MAP3K10: variants seen among roughly 807,000 people sequenced by gnomAD.
MAP3K10 encodes mitogen-activated protein kinase kinase kinase 10.
A neutral mutation model predicts 75.0 loss-of-function variants in MAP3K10; 22 were observed. The ratio of observed to expected loss-of-function variants is 0.29; its 90% CI spans 0.21 to 0.42. The LOEUF (loss-of-function observed/expected upper bound fraction) is 0.42. MAP3K10 is among the 10% of genes least tolerant of loss of function. The pLI, the probability that MAP3K10 is intolerant of heterozygous loss-of-function variation, is 1.00. For synonymous variants in MAP3K10, 599 were observed against 612.9 expected, an observed-to-expected ratio of 0.98 and a Z score of 0.34; for missense variants, 1,165 against 1,379.8, an observed-to-expected ratio of 0.84 and a Z score of 2.47.
intron 1 of MAP3K10, among the ~76,000 whole-genome samples, chr19:40,193,078 C>G (rs1407789912): frequency 6.6e-6 from 1 of 152,186 alleles, no homozygotes; most frequent in Non-Finnish European, 1.5e-5. Context: ...AAGAGCCTAC[C>G]CCGTCTGGAG....
Position 40,215,502 on chromosome 19 carries a change from AGGGATACT to A in MAP3K10, c.*211_*218del. The A allele has an allele frequency of 1.8e-6, 1 of 569,038 alleles. No homozygotes were observed. The highest frequency in any genetic ancestry group is 3.1e-6 in the Non-Finnish European group (1 of 320,010). 35.2% of individuals were successfully genotyped at this position (569,038 alleles called of 1,614,324 possible). A position where few individuals can be genotyped will look rare whatever the true frequency, so the allele number is the denominator to read the frequency against. On this transcript the variant is annotated 3_prime_UTR_variant, in exon 10 of 10. Transcript: ENST00000253055. ...ACCCTGCACTGGGGGGAGGGTGGGC[AGGGATACT>A]CAGGGACAGGGCATCATGGGGGATT...
chr19:40,208,105 C>G (rs1973156625), intron 5 of MAP3K10, among the ~76,000 whole-genome samples: 1 of 152,082 alleles, frequency 6.6e-6, no homozygotes, highest in Non-Finnish European at 1.5e-5. Context: ...CCAAGTTGCT[C>G]CAAACATGCT....
At position 40,212,941 on chromosome 19, in the gene MAP3K10, C is replaced by A; in HGVS notation, c.1689C>A (p.Ser563=). 6.2e-7 allele frequency: 1 copy of A among 1,611,214 alleles called. No individual in the cohort carries two copies. The highest frequency in any genetic ancestry group is 1.3e-5 in the African/African-American group (1 of 75,010). The change falls in exon 7 of 10, where the codon TCC becomes TCA. Residue 563 remains serine (S), a synonymous_variant. Transcript: ENST00000253055. This position sits in a 1 kb window ranked among gnomAD's most constrained non-coding sequence, Gnocchi z 4.2. ...AGGGACGAACGTGGGGGCCCAGCTC[C>A]ACCCTGCAGAAGGAGCGGGTGGGAG... ...KKKGRTWGPS[S]TLQKERVGGE...
chr19:40,205,352 C>A lies in MAP3K10; in HGVS notation c.1188+56C>A. On this transcript the variant is annotated intron_variant, in intron 4 of 9. Coordinates refer to ENST00000253055, the MANE Select transcript of MAP3K10 (RefSeq NM_002446.4). The surrounding 1 kb of genome is among the most constrained non-coding windows in gnomAD (Gnocchi z 4.3). ...GAGCAAGACCCCTGAGTTCTGATGCCTTGGGCTGCTCAGAGACTCCTCCCC... is the reference window on the plus strand; with the variant it reads ...GAGCAAGACCCCTGAGTTCTGATGCATTGGGCTGCTCAGAGACTCCTCCCC... The A allele has an allele frequency of 1.3e-6, 2 of 1,579,594 alleles. No homozygotes were observed. The highest frequency in any genetic ancestry group is 1.7e-5 in the Admixed American group (1 of 58,692).
Position 40,205,367 on chromosome 19 carries a change from G to T in MAP3K10, c.1188+71G>T. 6.5e-7 allele frequency: 1 copy of T among 1,530,908 alleles called. No homozygotes were observed. The highest frequency in any genetic ancestry group is 9.0e-7 in the Non-Finnish European group (1 of 1,115,352). The allele number at this position is 1,530,908 out of a possible 1,614,324, so 94.8% of individuals were successfully genotyped here. On this transcript the variant is annotated intron_variant, in intron 4 of 9. Transcript: ENST00000253055. This position sits in a 1 kb window ranked among gnomAD's most constrained non-coding sequence, Gnocchi z 4.3. ...GTTCTGATGCCTTGGGCTGCTCAGA[G>T]ACTCCTCCCCTGAACCCCAGCCTTT... is the stretch of plus-strand genomic sequence containing the variant.
intron 2 of MAP3K10, among the ~76,000 whole-genome samples, chr19:40,202,476 C>T (rs535670373): frequency 9.8e-5 from 15 of 152,310 alleles, no homozygotes; most frequent in African/African-American, 3.4e-4. Context: ...GCCTGTCAGG[C>T]TGCCCTTGGC....
At position 40,205,212 on chromosome 19, in the gene MAP3K10, G is replaced by T; in HGVS notation, c.1104G>T (p.Met368Ile). 6.2e-7 allele frequency: 1 copy of T among 1,614,136 alleles called. No individual in the cohort carries two copies. ...EVIEQSALFQMPLESFHSLQE... is the reference protein window; with the variant it reads ...EVIEQSALFQIPLESFHSLQE... ...TCGAACAGTCAGCCCTGTTCCAGAT[G>T]CCACTGGAGTCCTTCCACTCGCTGC... Residue 368 changes from methionine to isoleucine, a missense_variant, in exon 4 of 10, where the codon ATG becomes ATT. By Grantham distance (10) the Met-to-Ile change is conservative (BLOSUM62 1). Coordinates refer to ENST00000253055, the MANE Select transcript of MAP3K10 (RefSeq NM_002446.4). The surrounding 1 kb of genome is among the most constrained non-coding windows in gnomAD (Gnocchi z 4.3).
chr19:40,214,069 T>C lies in MAP3K10; in HGVS notation c.2390T>C (p.Leu797Pro), dbSNP rs1599919537. The C allele has an allele frequency of 7.6e-7, 1 of 1,308,852 alleles. No individual in the cohort carries two copies. The highest frequency in any genetic ancestry group is 9.9e-7 in the Non-Finnish European group (1 of 1,009,702). 81.1% of individuals were successfully genotyped at this position (1,308,852 alleles called of 1,614,324 possible). Residue 797 changes from leucine (L) to proline (P), a missense_variant, in exon 9 of 10, where the codon CTG (leucine) becomes CCG (proline). This residue lies in a region of MAP3K10 where 590 missense variants were observed against 586.6 expected (regional missense o/e 1.01). Coordinates refer to ENST00000253055, the MANE Select transcript of MAP3K10 (RefSeq NM_002446.4). ...PSPSTNPLVD[L>P]ELESFKKDPR... Reference sequence around the variant, plus strand: ...CCCAGCACCAACCCCCTGGTGGACCTGGAGCTGGAGAGCTTCAAGAAGGAC... The same window carrying C: ...CCCAGCACCAACCCCCTGGTGGACCCGGAGCTGGAGAGCTTCAAGAAGGAC...
intron 2 of MAP3K10, among the ~76,000 whole-genome samples, chr19:40,201,103 C>G (rs1434117190): frequency 6.6e-6 from 1 of 151,994 alleles, no homozygotes; most frequent in African/African-American, 2.4e-5. Context: ...GTTTCTCCCC[C>G]ACCTTGTATG....
At position 40,213,297 on chromosome 19, in the gene MAP3K10, C is replaced by A. The variant is rs1026575045; in HGVS notation, c.1837+109C>A. 1.4e-5 allele frequency: 20 copies of A among 1,452,570 alleles called. No individual in the cohort carries two copies. Among genetic ancestry groups the A allele is most frequent in the Non-Finnish European group, 1.8e-5 (20 of 1,105,990 alleles). 90.0% of individuals were successfully genotyped at this position (1,452,570 alleles called of 1,614,324 possible). On this transcript the variant is annotated intron_variant, in intron 8 of 9. Transcript: ENST00000253055. The surrounding 1 kb of genome is among the most constrained non-coding windows in gnomAD (Gnocchi z 5.7). ...TTCACTGGGCCAGTGAGTGGAAGGC[C>A]TTCCTGGGAAGGGAGATGGTGGCCC...
Position 40,191,708 on chromosome 19 carries a change from T to G in MAP3K10, c.-324T>G. 1 of 235,900 alleles carries G rather than the reference T, an allele frequency of 4.2e-6. No individual in the cohort carries two copies. Among genetic ancestry groups the G allele is most frequent in the Non-Finnish European group, 8.1e-6 (1 of 123,238 alleles). 14.6% of individuals were successfully genotyped at this position (235,900 alleles called of 1,614,324 possible). A position where few individuals can be genotyped will look rare whatever the true frequency, so the allele number is the denominator to read the frequency against. On this transcript the variant is annotated 5_prime_UTR_variant, in exon 1 of 10. Coordinates refer to ENST00000253055, the MANE Select transcript of MAP3K10 (RefSeq NM_002446.4). ...GGACTGCCTGCCGCCCTCGCCCTCG[T>G]CCCCCACCGGCGGACCCCGGCGGGC...
Position 40,213,476 on chromosome 19 carries a change from G to A in MAP3K10, c.1838-41G>A, listed in dbSNP as rs1218160922. 1 of 1,602,726 alleles carries A rather than the reference G, an allele frequency of 6.2e-7. No homozygotes were observed. Among genetic ancestry groups the A allele is most frequent in the Admixed American group, 1.7e-5 (1 of 59,280 alleles). ...TTGGCACAAGTCCCCGTGGGGCCCTGGCCAGCCCTGCAGCGGAGTGATGGC... is the reference window on the plus strand; with the variant it reads ...TTGGCACAAGTCCCCGTGGGGCCCTAGCCAGCCCTGCAGCGGAGTGATGGC... On this transcript the variant is annotated intron_variant, in intron 8 of 9. Transcript: ENST00000253055. The surrounding 1 kb of genome is among the most constrained non-coding windows in gnomAD (Gnocchi z 5.7).
chr19:40,205,681 A>G lies in MAP3K10; in HGVS notation c.1189-230A>G, dbSNP rs1022806009. On this transcript the variant is annotated intron_variant, in intron 4 of 9. Coordinates refer to ENST00000253055, the MANE Select transcript of MAP3K10 (RefSeq NM_002446.4). The surrounding 1 kb of genome is among the most constrained non-coding windows in gnomAD (Gnocchi z 4.3). ...GGATGTTTGAAGTTTTCTAAATTGA[A>G]GAGTTAAGAAAGAAAAAGAAAGAAA... 1.9e-6 allele frequency: 1 copy of G among 528,776 alleles called. No individual in the cohort carries two copies. Among genetic ancestry groups the G allele is most frequent in the African/African-American group, 1.9e-5 (1 of 52,016 alleles). The allele number at this position is 528,776 out of a possible 1,614,324, so 32.8% of individuals were successfully genotyped here.
In MAP3K10 at chr19:40,192,233, G is replaced by A. The variant is rs773826241; in HGVS notation, c.202G>A (p.Val68Met). 3.1e-6 allele frequency: 5 copies of A among 1,604,642 alleles called. No homozygotes were observed. Among genetic ancestry groups the A allele is most frequent in the Non-Finnish European group, 3.4e-6 (4 of 1,177,244 alleles). The stretch of plus-strand genomic sequence containing the variant: ...GACCGGGCAGCTCCCCAGCGGCCGC[G>A]TGGGCGTCTTCCCCAGCAACTACGT... The part of the protein sequence containing the change: ...WWTGQLPSGR[V>M]GVFPSNYVAP... Residue 68 changes from valine to methionine, a missense_variant, in exon 1 of 10, where the codon GTG (valine) becomes ATG (methionine). Coordinates refer to ENST00000253055, the MANE Select transcript of MAP3K10 (RefSeq NM_002446.4). The surrounding 1 kb of genome is among the most constrained non-coding windows in gnomAD (Gnocchi z 7.1).
rs757199734 is a variant in MAP3K10, at chr19:40,201,794, C to CTT, written c.864-2671_864-2670dup. ...CACTGTGCCTAGCTCCACACGCCAG[C>CTT]TTTTTTTTTTTTTTTTTTTTTAATT... On this transcript the variant is annotated intron_variant, in intron 2 of 9. Coordinates refer to ENST00000253055, the MANE Select transcript of MAP3K10 (RefSeq NM_002446.4). Among the ~76,000 whole-genome samples, 757 of 123,344 alleles carry CTT rather than the reference C, an allele frequency of 6.1e-3. 10 individuals are homozygous for CTT. The highest frequency in any genetic ancestry group is 0.022 in the African/African-American group (703 of 32,454). 80.9% of individuals were successfully genotyped at this position (123,344 alleles called of 152,430 possible). A position where few individuals can be genotyped will look rare whatever the true frequency, so the allele number is the denominator to read the frequency against.
In MAP3K10 at chr19:40,215,433, CTT is replaced by C. The variant is rs930394137; in HGVS notation, c.*142_*143del. On this transcript the variant is annotated 3_prime_UTR_variant, in exon 10 of 10. Coordinates refer to ENST00000253055, the MANE Select transcript of MAP3K10 (RefSeq NM_002446.4). ...TGGGGAAGGAGGGAGGGGGGGGACA[CTT>C]AACTTATTCCTTTGTACCCCAGGGG... is the stretch of plus-strand genomic sequence containing the variant. 20 of 799,778 alleles carry C rather than the reference CTT, an allele frequency of 2.5e-5. No individual in the cohort carries two copies. The highest frequency in any genetic ancestry group is 5.7e-5 in the Admixed American group (2 of 35,376). The allele number at this position is 799,778 out of a possible 1,614,324, so 49.5% of individuals were successfully genotyped here.
chr19:40,202,972 T>C (rs1973053793), intron 2 of MAP3K10, among the ~76,000 whole-genome samples: 1 of 150,192 alleles, frequency 6.7e-6, no homozygotes. Flanking sequence ...GTCAGCTGCA[T>C]ATGGGGGCAG....
At chr19:40,203,932 T>C (rs1027166474) in intron 2 of MAP3K10, among the ~76,000 whole-genome samples, 3 of 152,172 alleles carry the variant, frequency 2.0e-5, no homozygotes, top group Non-Finnish European at 2.9e-5. Context: ...ACAGCATGTG[T>C]GAAGGCCAGA....
chr19:40,214,002 T>TCCCCCCCCCCCACCCCCCCCCCCCC lies in MAP3K10; in HGVS notation c.2327_2328insCCCCCCCACCCCCCCCCCCCCCCCC (p.Ser779ThrfsTer81). ...TGACGAGGCCGCACCGGCCGCGCCC[T>TCCCCCCCCCCCACCCCCCCCCCCCC]CCCCACCACCCTCCCCGCCCGCGCC... On this transcript the variant is annotated frameshift_variant, in exon 9 of 10. Transcript: ENST00000253055. LOFTEE classifies it high-confidence loss of function. 9.4e-6 allele frequency: 14 copies of TCCCCCCCCCCCACCCCCCCCCCCCC among 1,493,664 alleles called. No homozygotes were observed. The highest frequency in any genetic ancestry group is 2.1e-5 in the Admixed American group (1 of 47,034). The allele number at this position is 1,493,664 out of a possible 1,614,324, so 92.5% of individuals were successfully genotyped here. A position where few individuals can be genotyped will look rare whatever the true frequency, so the allele number is the denominator to read the frequency against.
Sources: gnomAD v4.1 joint callset for allele counts (sites outside exome capture counted in the v4.1 genomes callset) on GRCh38, gnomAD v4.1.1 for gene constraint, gnomAD v4.1.1 regional missense constraint, Gnocchi (gnomAD v3.1) non-coding constraint, MANE v1.5 for transcripts, NCBI Gene and HGNC (gene_info 2026-07-23, HGNC 2026-07-21) for gene names.